Variants in TUFT1 observed in about 807,000 individuals in gnomAD.
TUFT1 encodes the protein tuftelin 1.
A neutral mutation model predicts 57.8 loss-of-function variants in TUFT1; 43 were observed. The observed-to-expected ratio is 0.74, with a 90% CI of 0.58 to 0.96. The LOEUF (loss-of-function observed/expected upper bound fraction) is 0.96. TUFT1 is among the 40% of genes least tolerant of loss of function. TUFT1 has a pLI of 0.00. For synonymous variants in TUFT1, 166 were observed against 176.7 expected, an observed-to-expected ratio of 0.94 and a Z score of 0.48; for missense variants, 459 against 489.0, an observed-to-expected ratio of 0.94 and a Z score of 0.58.
chr1:151,565,085 T>C (rs1405081621), intron 5 of TUFT1: 1 of 153,114 alleles, frequency 6.5e-6, no homozygotes, highest in African/African-American at 2.4e-5. Context: ...ATGTCTAACC[T>C]GGGATGGGAA....
rs1296071866 is a variant in TUFT1 at position 151,583,366 on chromosome 1, C to G, written c.*1659C>G. 1 of 152,156 alleles carries G rather than the reference C, an allele frequency of 6.6e-6. No individual in the cohort carries two copies. Among genetic ancestry groups the G allele is most frequent in the African/African-American group, 2.4e-5 (1 of 41,450 alleles). 9.4% of individuals were successfully genotyped at this position (152,156 alleles called of 1,614,324 possible). Reference sequence around the variant, plus strand: ...TTTAGGCTCTATGTGGCTCACGCAGCCAGAATCCTTAAGTCTGTGTGTTTC... The same window carrying G: ...TTTAGGCTCTATGTGGCTCACGCAGGCAGAATCCTTAAGTCTGTGTGTTTC... On this transcript the variant is annotated 3_prime_UTR_variant, in exon 13 of 13. Coordinates refer to ENST00000368849, the MANE Select transcript of TUFT1 (RefSeq NM_020127.3).
chr1:151,549,684 G>T (rs1665448412), intron 1 of TUFT1, among the ~76,000 whole-genome samples: 1 of 152,176 alleles, frequency 6.6e-6, no homozygotes, highest in South Asian at 2.1e-4. Flanking sequence ...AGGATTAATG[G>T]TCATCAATCA....
chr1:151,580,082 A>T (rs2102559588), intron 11 of TUFT1, among the ~76,000 whole-genome samples: 1 of 152,296 alleles, frequency 6.6e-6, no homozygotes, highest in Admixed American at 6.5e-5. Flanking sequence ...GCATTCATAC[A>T]GATGGAGCCT....
intron 6 of TUFT1, among the ~76,000 whole-genome samples, chr1:151,567,825 C>T (rs186112194): frequency 9.0e-4 from 137 of 152,294 alleles, no homozygotes; most frequent in African/African-American, 3.1e-3. Context: ...GGATTACAGG[C>T]GTGAGCCACT....
chr1:151,559,390 C>T lies in TUFT1; in HGVS notation c.61-2701C>T, dbSNP rs540669655. Among the ~76,000 whole-genome samples the T allele has an allele frequency of 5.3e-5, 8 of 152,170 alleles. No homozygotes were observed. The South Asian group carries it at 1.0e-3, about 20-fold the overall frequency. On this transcript the variant is annotated intron_variant, in intron 1 of 12. Transcript: ENST00000368849. Reference sequence around the variant, plus strand: ...GGGAAGATGTGTTTCCCACAGGATGCGGGGTAGCATCTTGGAAGATGAGGC... The same window carrying T: ...GGGAAGATGTGTTTCCCACAGGATGTGGGGTAGCATCTTGGAAGATGAGGC...
chr1:151,577,820 C>T (rs1010159321), intron 9 of TUFT1, among the ~76,000 whole-genome samples: 3 of 151,938 alleles, frequency 2.0e-5, no homozygotes, highest in South Asian at 4.2e-4. Flanking sequence ...TTTAAGAGTT[C>T]GAGATCAGCC....
intron 1 of TUFT1, chr1:151,557,542 G>A: frequency 8.3e-7 from 1 of 1,201,454 alleles, no homozygotes; most frequent in South Asian, 1.2e-5. Context: ...TAAGCACCGG[G>A]AGCTGGCAGA....
Position 151,547,391 on chromosome 1 carries a change from G to A in TUFT1, c.60+6965G>A, listed in dbSNP as rs183487500. ...AGAGGTGGGATGAGCTTCCTTGCCTGCTAGTAATTATGGTGCATGCCTCTT... is the reference window on the plus strand; with the variant it reads ...AGAGGTGGGATGAGCTTCCTTGCCTACTAGTAATTATGGTGCATGCCTCTT... On this transcript the variant is annotated intron_variant, in intron 1 of 12. Transcript: ENST00000368849. Among the ~76,000 whole-genome samples the A allele has an allele frequency of 7.4e-4, 112 of 152,334 alleles. 1 individual carries two copies. In the East Asian group the frequency reaches 0.014, roughly 20 times the overall value.
At position 151,578,767 on chromosome 1, in the gene TUFT1, C is replaced by T; in HGVS notation, c.865C>T (p.His289Tyr). 6.3e-7 allele frequency: 1 copy of T among 1,584,380 alleles called. No individual in the cohort carries two copies. The highest frequency in any genetic ancestry group is 8.6e-7 in the Non-Finnish European group (1 of 1,164,046). Residue 289 changes from histidine to tyrosine, a missense_variant, in exon 10 of 13, where the codon CAC (histidine) becomes TAC (tyrosine). By Grantham distance (83) the His-to-Tyr change is moderately conservative (BLOSUM62 2). Transcript: ENST00000368849. ...AGTGGCCGGGTTGCGGGAGAAGATC[C>T]ACCACTTGGATGACATGCTCAAGAG... is the stretch of plus-strand genomic sequence containing the variant. ...KEVAGLREKI[H>Y]HLDDMLKSQQ...
chr1:151,581,722 G>GT lies in TUFT1; in HGVS notation c.*17dup. ...TGGAAACCTGAGCTGCCTGGAGATG[G>GT]TTGCTGCCATTGCTGCTGCCTCTGC... On this transcript the variant is annotated 3_prime_UTR_variant, in exon 13 of 13. Transcript: ENST00000368849. The GT allele has an allele frequency of 6.2e-7, 1 of 1,614,072 alleles. No individual in the cohort carries two copies. Among genetic ancestry groups the GT allele is most frequent in the Non-Finnish European group, 8.5e-7 (1 of 1,179,990 alleles).
At chr1:151,571,282 C>T (rs1320028486) in intron 7 of TUFT1, among the ~76,000 whole-genome samples, 1 of 152,282 alleles carries the variant, frequency 6.6e-6, no homozygotes, top group East Asian at 1.9e-4. Context: ...ATTATTTGAA[C>T]AAGTAGTTTA....
intron 1 of TUFT1, chr1:151,546,033 A>C: frequency 4.5e-6 from 1 of 220,392 alleles, no homozygotes; most frequent in Non-Finnish European, 8.8e-6. Context: ...GCATCTTTTT[A>C]TTGTCTTTAC....
chr1:151,575,097 G>A, intron 9 of TUFT1, 92 bp downstream of exon 9: 1 of 1,161,008 alleles, frequency 8.6e-7, no homozygotes. Flanking sequence ...GGCCTGGTCT[G>A]GGGAGGAAGC....
Position 151,549,218 on chromosome 1 carries a change from C to T in TUFT1, c.60+8792C>T, listed in dbSNP as rs114968968. Among the ~76,000 whole-genome samples, 1,472 of 152,268 alleles carry T rather than the reference C, an allele frequency of 9.7e-3. 32 individuals are homozygous for T. The highest frequency in any genetic ancestry group is 0.034 in the African/African-American group (1,417 of 41,544). On this transcript the variant is annotated intron_variant, in intron 1 of 12. Transcript: ENST00000368849. ...GAGTACCCAGTAGAGACCCCCCTGC[C>T]GGATATTTTTGGGGTGTTCCTAAAG...
chr1:151,560,333 T>C (rs950796275), intron 1 of TUFT1, among the ~76,000 whole-genome samples: 3 of 151,888 alleles, frequency 2.0e-5, no homozygotes, highest in Non-Finnish European at 2.9e-5. Flanking sequence ...GGAGAATTGC[T>C]TGAGCCCAGG....
chr1:151,564,500 C>T (rs1024457005), intron 4 of TUFT1, 25 bp from the exon 5 acceptor site: 3 of 1,594,540 alleles, frequency 1.9e-6, no homozygotes, highest in Non-Finnish European at 2.6e-6. Flanking sequence ...CCCTAAAGCT[C>T]AAGTTTCTTC....
intron 6 of TUFT1, among the ~76,000 whole-genome samples, chr1:151,567,681 G>A (rs1476934219): frequency 6.6e-6 from 1 of 152,136 alleles, no homozygotes; most frequent in East Asian, 1.9e-4. Flanking sequence ...GAGTAGCTGG[G>A]ACTACTGGCG....
In TUFT1 at chr1:151,552,653, G is replaced by A. The variant is rs181116456; in HGVS notation, c.61-9438G>A. Among the ~76,000 whole-genome samples, 504 of 129,508 alleles carry A rather than the reference G, an allele frequency of 3.9e-3. 2 individuals carry two copies. The highest frequency in any genetic ancestry group is 0.014 in the African/African-American group (489 of 35,214). 85.0% of individuals were successfully genotyped at this position (129,508 alleles called of 152,430 possible). A position where few individuals can be genotyped will look rare whatever the true frequency, so the allele number is the denominator to read the frequency against. Reference sequence around the variant, plus strand: ...CGGGAGGTGGAGGTTGCAGTGAGCCGAGATCGTGCCACTGCACTCCAGCCT... The same window carrying A: ...CGGGAGGTGGAGGTTGCAGTGAGCCAAGATCGTGCCACTGCACTCCAGCCT... On this transcript the variant is annotated intron_variant, in intron 1 of 12. Coordinates refer to ENST00000368849, the MANE Select transcript of TUFT1 (RefSeq NM_020127.3).
At position 151,564,665 on chromosome 1, in the gene TUFT1, G is replaced by A. The variant is rs771708330; in HGVS notation, c.414+51G>A. On this transcript the variant is annotated intron_variant, in intron 5 of 12. Coordinates refer to ENST00000368849, the MANE Select transcript of TUFT1 (RefSeq NM_020127.3). ...GTCCCCACCGAGGAGGTGGGGTTGTGCCAGGCAGTCTCATTTACCAATTAC... is the reference window on the plus strand; with the variant it reads ...GTCCCCACCGAGGAGGTGGGGTTGTACCAGGCAGTCTCATTTACCAATTAC... 10 of 1,487,208 alleles carry A rather than the reference G, an allele frequency of 6.7e-6. No homozygotes were observed. In the South Asian group the frequency reaches 8.0e-5, roughly 12 times the overall value. The allele number at this position is 1,487,208 out of a possible 1,614,324, so 92.1% of individuals were successfully genotyped here.
Sources: gnomAD v4.1 joint callset for allele counts (sites outside exome capture counted in the v4.1 genomes callset) on GRCh38, gnomAD v4.1.1 for gene constraint, MANE v1.5 for transcripts, NCBI Gene and HGNC (gene_info 2026-07-23, HGNC 2026-07-21) for gene names.